C2CD5: variants seen among roughly 807,000 people sequenced by gnomAD.
C2CD5 encodes C2 domain-containing protein 5.
In C2CD5, 109 loss-of-function variants were observed where a neutral mutation model predicts 130.3. The ratio of observed to expected loss-of-function variants is 0.84; its 90% CI spans 0.72 to 0.98. The LOEUF (loss-of-function observed/expected upper bound fraction) is 0.98, where lower values mean the gene tolerates loss of function less well. Ranked by LOEUF, C2CD5 falls within the 50% of genes least tolerant of loss-of-function variation. C2CD5 has a pLI of 0.00. For synonymous variants in C2CD5, 454 were observed against 429.2 expected (o/e 1.06, Z -0.71); for missense variants, 996 against 1,261.8 (o/e 0.79, Z 3.19).
intron 10 of C2CD5, among the ~76,000 whole-genome samples, chr12:22,497,408 TACAA>T (rs749391384): frequency 5.3e-5 from 8 of 150,876 alleles, no homozygotes; most frequent in South Asian, 2.1e-4. Flanking sequence ...ACCCCATAAA[TACAA>T]ACAAATATTG....
At chr12:22,518,389 G>GTCATCCTTT (rs1949964655) in intron 7 of C2CD5, among the ~76,000 whole-genome samples, 1 of 151,738 alleles carries the variant, frequency 6.6e-6, no homozygotes, top group African/African-American at 2.4e-5. Context: ...ACAGACTAAG[G>GTCATCCTTT]GGATAAAAAA....
chr12:22,485,192 TACA>T (rs1250926554), intron 12 of C2CD5, among the ~76,000 whole-genome samples: 17 of 152,130 alleles, frequency 1.1e-4, no homozygotes, highest in African/African-American at 3.4e-4. Flanking sequence ...TTCTCTGGGA[TACA>T]ACATTTTTAA....
intron 10 of C2CD5, among the ~76,000 whole-genome samples, chr12:22,501,888 C>T (rs1203268900): frequency 1.3e-5 from 2 of 152,054 alleles, no homozygotes; most frequent in African/African-American, 4.8e-5. Context: ...AGCCCCGTGG[C>T]GTCTTTGCTT....
At chr12:22,458,302 T>C (rs537198552) in intron 24 of C2CD5, among the ~76,000 whole-genome samples, 182 bp downstream of exon 24, 1 of 152,252 alleles carries the variant, frequency 6.6e-6, no homozygotes, top group African/African-American at 2.4e-5. Flanking sequence ...TAGGTAAAAC[T>C]AATAAATCTA....
At chr12:22,506,014 G>A (rs1311509080) in intron 10 of C2CD5, among the ~76,000 whole-genome samples, 1 of 146,444 alleles carries the variant, frequency 6.8e-6, no homozygotes, top group Admixed American at 6.9e-5. Context: ...GTAGACTGGA[G>A]GGGACAGGTG....
At chr12:22,521,031 C>T (rs1206321215) in intron 7 of C2CD5, among the ~76,000 whole-genome samples, 1 of 152,040 alleles carries the variant, frequency 6.6e-6, no homozygotes, top group African/African-American at 2.4e-5. Flanking sequence ...CTCATAATAA[C>T]CTGTGGTATT....
chr12:22,504,304 CT>C (rs10707954), intron 10 of C2CD5, among the ~76,000 whole-genome samples: 15,197 of 135,490 alleles, frequency 0.11, 2,563 homozygotes, highest in African/African-American at 0.38. Flanking sequence ...GTTTTTTTTT[CT>C]TTTTTTTTTT....
chr12:22,495,567 A>C lies in C2CD5; in HGVS notation c.1148-2230T>G, dbSNP rs1332681694. 2.6e-5 allele frequency among the ~76,000 whole-genome samples: 4 copies of C among 151,876 alleles called. No homozygotes were observed. The South Asian group carries it at 6.2e-4, about 24-fold the overall frequency. ...GCTGATTCAAAAAACAAACGAACAAAAAAAAAAAAGCTGAATGCAGCGCAA... is the reference window on the plus strand; with the variant it reads ...GCTGATTCAAAAAACAAACGAACAACAAAAAAAAAGCTGAATGCAGCGCAA... On this transcript the variant is annotated intron_variant, in intron 10 of 26. Transcript: ENST00000446597.
chr12:22,501,487 A>G (rs1169928959), intron 10 of C2CD5, among the ~76,000 whole-genome samples: 1 of 152,120 alleles, frequency 6.6e-6, no homozygotes, highest in Non-Finnish European at 1.5e-5. Flanking sequence ...TCCTTTTTCT[A>G]TATATCTTTC....
chr12:22,510,733 T>C (rs1225832364), intron 9 of C2CD5, among the ~76,000 whole-genome samples: 1 of 152,216 alleles, frequency 6.6e-6, no homozygotes, highest in East Asian at 1.9e-4. Context: ...TGGTAAAATG[T>C]ACTTGCGAAA....
chr12:22,463,677 T>C (rs1941583190), intron 22 of C2CD5: 1 of 152,304 alleles, frequency 6.6e-6, no homozygotes. Flanking sequence ...AATACAGGAA[T>C]AAATTTCTAC....
intron 14 of C2CD5, among the ~76,000 whole-genome samples, chr12:22,479,135 G>A (rs1010582785): frequency 7.3e-5 from 11 of 151,642 alleles, no homozygotes; most frequent in Admixed American, 1.3e-4. Context: ...GTGTAGTGGC[G>A]TGATCTCGGC....
At chr12:22,456,008 C>T (rs2135984860) in intron 25 of C2CD5, among the ~76,000 whole-genome samples, 1 of 152,192 alleles carries the variant, frequency 6.6e-6, no homozygotes, top group African/African-American at 2.4e-5. Context: ...AGAAAACATC[C>T]ATCTAATTAA....
chr12:22,476,010 A>G (rs1943791282), intron 15 of C2CD5, among the ~76,000 whole-genome samples: 1 of 152,106 alleles, frequency 6.6e-6, no homozygotes, highest in African/African-American at 2.4e-5. Context: ...TTTGTTCACA[A>G]TGCCACAGAC....
chr12:22,543,759 C>G (rs1169078693), intron 2 of C2CD5, among the ~76,000 whole-genome samples: 1 of 152,044 alleles, frequency 6.6e-6, no homozygotes, highest in African/African-American at 2.4e-5. Flanking sequence ...TGCGCGGCCA[C>G]GCCTTGGGAT....
chr12:22,520,087 T>G (rs1000428470), intron 7 of C2CD5, among the ~76,000 whole-genome samples: 1 of 152,014 alleles, frequency 6.6e-6, no homozygotes, highest in Admixed American at 6.6e-5. Context: ...TAAGAAAAAA[T>G]TTGGCTAAAA....
chr12:22,507,927 T>TA (rs1275881898), intron 9 of C2CD5, among the ~76,000 whole-genome samples: 2 of 152,030 alleles, frequency 1.3e-5, no homozygotes, highest in Non-Finnish European at 2.9e-5. Context: ...ATTTTTATCT[T>TA]AAAAAGAAAC....
chr12:22,456,286 A>T (rs1377266074), intron 25 of C2CD5, among the ~76,000 whole-genome samples: 1 of 152,176 alleles, frequency 6.6e-6, no homozygotes, highest in East Asian at 1.9e-4. Context: ...GTAACTAAAA[A>T]ATTTCCCTAT....
At chr12:22,542,045 A>G (rs1952440833) in intron 2 of C2CD5, among the ~76,000 whole-genome samples, 1 of 152,176 alleles carries the variant, frequency 6.6e-6, no homozygotes, top group Non-Finnish European at 1.5e-5. Flanking sequence ...ATTTTAACCT[A>G]AGAAATGTCC....
Sources: allele counts gnomAD v4.1 joint callset (sites outside exome capture counted in the v4.1 genomes callset), GRCh38; gene constraint gnomAD v4.1.1; transcripts MANE v1.5; gene names NCBI Gene and HGNC (gene_info 2026-07-23, HGNC 2026-07-21).